Variants in FRS2 observed in about 807,000 individuals in gnomAD.
FRS2 encodes fibroblast growth factor receptor substrate 2.
Under a neutral mutation model 43.9 loss-of-function variants are expected in FRS2, and 8 were observed. That is an observed-to-expected ratio of 0.18 (90% CI 0.11 to 0.33). The LOEUF (loss-of-function observed/expected upper bound fraction) is 0.33, where lower values mean the gene tolerates loss of function less well. Among genes scored for constraint, FRS2 ranks in the 10% least tolerant of loss-of-function variants. FRS2 has a pLI of 1.00. For synonymous variants in FRS2, 219 were observed against 220.3 expected (o/e 0.99, Z 0.05); for missense variants, 534 against 627.6 (o/e 0.85, Z 1.59).
intron 1 of FRS2, among the ~76,000 whole-genome samples, chr12:69,490,627 G>A (rs550956760): frequency 1.1e-4 from 17 of 152,182 alleles, no homozygotes; most frequent in Non-Finnish European, 2.4e-4. Flanking sequence ...TTCTTTTGGT[G>A]AAGCACAGTT....
At chr12:69,525,297 T>G (rs1876104158) in intron 1 of FRS2, among the ~76,000 whole-genome samples, 1 of 152,212 alleles carries the variant, frequency 6.6e-6, no homozygotes, top group Non-Finnish European at 1.5e-5. Context: ...TTATTCATAC[T>G]GTTTGTGAGT....
At chr12:69,503,267 G>A (rs751696906) in intron 1 of FRS2, among the ~76,000 whole-genome samples, 2 of 152,138 alleles carry the variant, frequency 1.3e-5, no homozygotes, top group Non-Finnish European at 2.9e-5. Flanking sequence ...CAGCTATGGA[G>A]AATATCGTTT....
rs1364663381 is a variant in FRS2 at position 69,575,119 on chromosome 12, G to C, written c.*164G>C. The stretch of plus-strand genomic sequence containing the variant: ...AACTAAAGGGAATTAATGTAGAGCA[G>C]GTACTCCTTAAAGAACACTAATTTC... On this transcript the variant is annotated 3_prime_UTR_variant, in exon 9 of 9. Coordinates refer to ENST00000549921, the MANE Select transcript of FRS2 (RefSeq NM_001278356.2). The C allele has an allele frequency of 3.4e-6, 2 of 585,392 alleles. No individual in the cohort carries two copies. Among genetic ancestry groups the C allele is most frequent in the Admixed American group, 6.1e-5 (2 of 32,586 alleles). 36.3% of individuals were successfully genotyped at this position (585,392 alleles called of 1,614,324 possible).
At chr12:69,512,953 A>G (rs1208765870) in intron 1 of FRS2, among the ~76,000 whole-genome samples, 2 of 152,298 alleles carry the variant, frequency 1.3e-5, no homozygotes. Context: ...AGTTAACTTT[A>G]TTTTGAAGGG....
chr12:69,551,074 A>T (rs1878828698), intron 3 of FRS2, among the ~76,000 whole-genome samples: 1 of 152,172 alleles, frequency 6.6e-6, no homozygotes, highest in Admixed American at 6.6e-5. Context: ...GGAAGAAAGA[A>T]ATATTCTCAA....
chr12:69,574,801 C>T lies in FRS2; in HGVS notation c.1373C>T (p.Thr458Ile). 1.2e-6 allele frequency: 2 copies of T among 1,614,136 alleles called. No individual in the cohort carries two copies. Among genetic ancestry groups the T allele is most frequent in the Non-Finnish European group, 1.7e-6 (2 of 1,180,024 alleles). The change falls in exon 9 of 9, where the codon ACT (threonine) becomes ATT (isoleucine). Residue 458 changes from threonine (T) to isoleucine (I), a missense_variant. This residue lies in a region of FRS2 where 446 missense variants were observed against 494.2 expected (regional missense o/e 0.90). Coordinates refer to ENST00000549921, the MANE Select transcript of FRS2 (RefSeq NM_001278356.2). ...CCTCAGACTCCAAAAACGCCTACAA[C>T]TCCCCTTCCACAAACCCCTACCAGG... ...DNPQTPKTPT[T>I]PLPQTPTRRT...
intron 2 of FRS2, 75 bp from the exon 3 acceptor site, chr12:69,531,939 G>A (rs1298885099): frequency 3.3e-5 from 5 of 152,538 alleles, no homozygotes; most frequent in Non-Finnish European, 5.9e-5. Context: ...TACTCTGTTA[G>A]CATTTTGTAA....
intron 3 of FRS2, among the ~76,000 whole-genome samples, chr12:69,549,049 CT>C (rs879909338): frequency 5.9e-5 from 9 of 152,094 alleles, no homozygotes; most frequent in Non-Finnish European, 1.0e-4. Flanking sequence ...AACAAATACA[CT>C]TATGTGCTTC....
intron 3 of FRS2, among the ~76,000 whole-genome samples, chr12:69,537,656 T>G (rs1382940918): frequency 6.6e-6 from 1 of 152,134 alleles, no homozygotes; most frequent in Non-Finnish European, 1.5e-5. Context: ...GAGGGCGTTA[T>G]TTTTTTCATT....
chr12:69,546,080 A>G (rs2135720590), intron 3 of FRS2, among the ~76,000 whole-genome samples: 1 of 152,304 alleles, frequency 6.6e-6, no homozygotes, highest in Middle Eastern at 3.4e-3. Flanking sequence ...ACAAGAAAAA[A>G]CTTCTGAAAC....
intron 5 of FRS2, 109 bp downstream of exon 5, chr12:69,569,205 C>A: frequency 1.7e-6 from 1 of 587,926 alleles, no homozygotes; most frequent in Non-Finnish European, 3.0e-6. Flanking sequence ...CTTTCTATTT[C>A]CCTTTCTTTC....
intron 8 of FRS2, 101 bp from the exon 9 acceptor site, chr12:69,573,904 A>G (rs919445850): frequency 1.4e-6 from 1 of 707,496 alleles, no homozygotes; most frequent in Non-Finnish European, 2.3e-6. Flanking sequence ...GAAAGTTAAT[A>G]CAGTTAACTG....
intron 1 of FRS2, among the ~76,000 whole-genome samples, chr12:69,477,920 T>C (rs1870981113): frequency 6.6e-6 from 1 of 150,986 alleles, no homozygotes; most frequent in South Asian, 2.1e-4. Context: ...TTTTGTATTT[T>C]TTAGTAGAGA....
chr12:69,537,620 T>C (rs1877439550), intron 3 of FRS2, among the ~76,000 whole-genome samples: 1 of 151,988 alleles, frequency 6.6e-6, no homozygotes. Context: ...TCCCATTTAG[T>C]GTTTTGCAGT....
chr12:69,537,750 G>A (rs1222201339), intron 3 of FRS2, among the ~76,000 whole-genome samples: 1 of 151,968 alleles, frequency 6.6e-6, no homozygotes, highest in Non-Finnish European at 1.5e-5. Context: ...TTGAATAATT[G>A]TGGAAAATTC....
intron 3 of FRS2, among the ~76,000 whole-genome samples, chr12:69,537,126 T>C (rs915400089): frequency 6.6e-6 from 1 of 152,212 alleles, no homozygotes; most frequent in African/African-American, 2.4e-5. Context: ...CTGAATAATG[T>C]AGTAACTTAG....
intron 1 of FRS2, among the ~76,000 whole-genome samples, chr12:69,524,539 TG>T (rs1876011977): frequency 6.6e-6 from 1 of 151,652 alleles, no homozygotes; most frequent in Admixed American, 6.6e-5. Context: ...TGCATGCAGG[TG>T]TGGCCAGGGT....
At position 69,482,247 on chromosome 12, in the gene FRS2, G is replaced by C. The variant is rs151274017; in HGVS notation, c.-261+11717G>C. Among the ~76,000 whole-genome samples, 1,517 of 152,310 alleles carry C rather than the reference G, an allele frequency of 1.0e-2. 10 individuals carry two copies. Among genetic ancestry groups the C allele is most frequent in the Middle Eastern group, 0.017 (5 of 294 alleles). On this transcript the variant is annotated intron_variant, in intron 1 of 8. Transcript: ENST00000549921. ...CTAAAGCATTAGGTGACAAAGATTA[G>C]TGAGGCAGATTTTTTGATACCAGAT...
At chr12:69,509,518 AT>A (rs1874265295) in intron 1 of FRS2, among the ~76,000 whole-genome samples, 1 of 152,196 alleles carries the variant, frequency 6.6e-6, no homozygotes, top group South Asian at 2.1e-4. Context: ...TTAGTGTGCA[AT>A]AATCACCACT....
Sources: allele counts gnomAD v4.1 joint callset (sites outside exome capture counted in the v4.1 genomes callset), GRCh38; gene constraint gnomAD v4.1.1; regional missense constraint gnomAD v4.1.1; transcripts MANE v1.5; gene names NCBI Gene and HGNC (gene_info 2026-07-23, HGNC 2026-07-21).